COL6A6: variants seen among roughly 807,000 people sequenced by gnomAD.
COL6A6 encodes the protein collagen type VI alpha 6 chain, also known as collagen alpha-6(VI) chain.
In COL6A6, 183 loss-of-function variants were observed where a neutral mutation model predicts 208.6. The ratio of observed to expected loss-of-function variants is 0.88; its 90% CI spans 0.78 to 0.99. The LOEUF (loss-of-function observed/expected upper bound fraction) is 0.99, where lower values mean the gene tolerates loss of function less well. COL6A6 is among the 50% of genes least tolerant of loss of function. COL6A6 has a pLI of 0.00. For synonymous variants in COL6A6, 973 were observed against 1,011.8 expected, an observed-to-expected ratio of 0.96 and a Z score of 0.73; for missense variants, 2,816 against 2,815.2, an observed-to-expected ratio of 1.00 and a Z score of -0.01.
chr3:130,563,785 A>C (rs1263167512), intron 3 of COL6A6, 121 bp downstream of exon 3: 2 of 667,942 alleles, frequency 3.0e-6, no homozygotes, highest in Admixed American at 5.8e-5. Context: ...TTCAGATGTT[A>C]TGTACCCATC....
Position 130,563,539 on chromosome 3 carries a change from C to T in COL6A6, c.536C>T (p.Thr179Met), listed in dbSNP as rs114511272. 35 of 1,613,956 alleles carry T rather than the reference C, an allele frequency of 2.2e-5. No individual in the cohort carries two copies. The East Asian group carries it at 6.0e-4, about 28-fold the overall frequency. ...GAGGAAAACCTGAAGGCCATGGCCA[C>T]GTCTCAGTTTCATTTCAACCTTCGG... is the stretch of plus-strand genomic sequence containing the variant. ...ASEENLKAMA[T>M]SQFHFNLRTV... is the part of the protein sequence containing the mutation. Residue 179 changes from threonine to methionine, a missense_variant, in exon 3 of 37, where the codon ACG becomes ATG. Coordinates refer to ENST00000358511, the MANE Select transcript of COL6A6 (RefSeq NM_001102608.3).
intron 1 of COL6A6, among the ~76,000 whole-genome samples, chr3:130,523,261 C>T (rs1711180345): frequency 6.6e-6 from 1 of 152,114 alleles, no homozygotes; most frequent in South Asian, 2.1e-4. Context: ...TATGTTCATT[C>T]CTTGAGAAAA....
intron 33 of COL6A6, among the ~76,000 whole-genome samples, chr3:130,652,075 ATATGTGAT>A (rs2065661884): frequency 6.6e-6 from 1 of 152,216 alleles, no homozygotes; most frequent in East Asian, 1.9e-4. Context: ...ACTGCAACTT[ATATGTGAT>A]TATCTGATTA....
intron 6 of COL6A6, 26 bp downstream of exon 6, chr3:130,568,630 G>A: frequency 6.5e-7 from 1 of 1,535,276 alleles, no homozygotes; most frequent in South Asian, 1.2e-5. Flanking sequence ...CTCACTAGCA[G>A]GACTATCCGA....
intron 3 of COL6A6, among the ~76,000 whole-genome samples, chr3:130,564,157 G>C (rs190291920): frequency 5.4e-4 from 82 of 152,350 alleles, no homozygotes; most frequent in African/African-American, 1.9e-3. Context: ...CCTTGGCCCA[G>C]GGGCCAGGCT....
chr3:130,542,898 CTTTTTTTTTTT>C (rs56339748), intron 1 of COL6A6, among the ~76,000 whole-genome samples: 1 of 92,612 alleles, frequency 1.1e-5, no homozygotes, highest in South Asian at 3.5e-4. Flanking sequence ...TCCATTCACT[CTTTTTTTTTTT>C]TTTTTTTTTT....
intron 11 of COL6A6, among the ~76,000 whole-genome samples, chr3:130,588,471 GT>G (rs1426952354): frequency 1.3e-5 from 2 of 152,180 alleles, no homozygotes; most frequent in African/African-American, 4.8e-5. Context: ...TGATATAGAT[GT>G]TTTTACCAGA....
At position 130,651,065 on chromosome 3, in the gene COL6A6, C is replaced by T. The variant is rs144505626; in HGVS notation, c.5733+1503C>T. 4.1e-4 allele frequency among the ~76,000 whole-genome samples: 63 copies of T among 152,248 alleles called. 1 individual carries two copies. The East Asian group carries it at 0.012, about 29-fold the overall frequency. On this transcript the variant is annotated intron_variant, in intron 33 of 36. Coordinates refer to ENST00000358511, the MANE Select transcript of COL6A6 (RefSeq NM_001102608.3). Reference sequence around the variant, plus strand: ...TATGGAAAGCAGAAAGCACCTGGTTCCTAGAGTTAGTGTGAAGATTAATTT... The same window carrying T: ...TATGGAAAGCAGAAAGCACCTGGTTTCTAGAGTTAGTGTGAAGATTAATTT...
intron 7 of COL6A6, among the ~76,000 whole-genome samples, chr3:130,571,808 T>G (rs914905936): frequency 2.0e-5 from 3 of 150,364 alleles, no homozygotes; most frequent in African/African-American, 7.3e-5. Context: ...CCCAAGGAGC[T>G]GGGACTACAG....
At chr3:130,599,086 A>T (rs2063930162) in intron 19 of COL6A6, among the ~76,000 whole-genome samples, 1 of 152,172 alleles carries the variant, frequency 6.6e-6, no homozygotes, top group South Asian at 2.1e-4. Context: ...GGATCCTGGG[A>T]TACTTTCTGT....
Position 130,566,662 on chromosome 3 carries a change from T to G in COL6A6, c.1283-40T>G, listed in dbSNP as rs200095455. On this transcript the variant is annotated intron_variant, in intron 4 of 36. Transcript: ENST00000358511. ...ATGTGCTCTCATTTCTTCTTCATGC[T>G]TGCTCAAATGCCACATGCAACTTAT... 1,848 of 1,504,282 alleles carry G rather than the reference T, an allele frequency of 1.2e-3. 3 individuals are homozygous for G. The highest frequency in any genetic ancestry group is 1.5e-3 in the Non-Finnish European group (1,688 of 1,116,634). The allele number at this position is 1,504,282 out of a possible 1,614,324, so 93.2% of individuals were successfully genotyped here.
chr3:130,606,598 A>T (rs2108183476), intron 20 of COL6A6, among the ~76,000 whole-genome samples: 1 of 152,322 alleles, frequency 6.6e-6, no homozygotes, highest in Middle Eastern at 3.4e-3. Flanking sequence ...AAATTCAAAT[A>T]AGTCAATTTG....
intron 1 of COL6A6, among the ~76,000 whole-genome samples, chr3:130,552,458 C>T (rs2062664664): frequency 1.3e-5 from 2 of 152,010 alleles, no homozygotes; most frequent in African/African-American, 4.8e-5. Context: ...ATAGCAAGAC[C>T]TCCTTTTTTT....
chr3:130,615,178 T>A (rs1179041811), intron 23 of COL6A6, among the ~76,000 whole-genome samples: 2 of 152,214 alleles, frequency 1.3e-5, no homozygotes, highest in East Asian at 3.8e-4. Context: ...GATGTCTGCC[T>A]TAATTTCATT....
chr3:130,593,123 C>T lies in COL6A6; in HGVS notation c.4416+18C>T, dbSNP rs1560039927. On this transcript the variant is annotated intron_variant, in intron 16 of 36. Coordinates refer to ENST00000358511, the MANE Select transcript of COL6A6 (RefSeq NM_001102608.3). The stretch of plus-strand genomic sequence containing the variant: ...GAGAACAGGTAGAGCCTTCTTGTAC[C>T]ATAGAGACCCTTCTGAGCTATTTAC... The T allele has an allele frequency of 6.2e-7, 1 of 1,612,820 alleles. No individual in the cohort carries two copies. The highest frequency in any genetic ancestry group is 1.1e-5 in the South Asian group (1 of 91,050).
chr3:130,581,668 C>T lies in COL6A6; in HGVS notation c.3655C>T (p.Arg1219Cys), dbSNP rs372595353. 4.0e-5 allele frequency: 65 copies of T among 1,613,844 alleles called. No individual in the cohort carries two copies. The highest frequency in any genetic ancestry group is 2.2e-4 in the South Asian group (20 of 91,076). ...WMETYLQDIL[R>C]AISSLNGVSC... ...GGAAACCTACCTTCAAGACATCTTACGTGCCATCAGCTCCCTCAATGGAGT... is the reference window on the plus strand; with the variant it reads ...GGAAACCTACCTTCAAGACATCTTATGTGCCATCAGCTCCCTCAATGGAGT... The change falls in exon 9 of 37, where the codon CGT becomes TGT. Residue 1219 changes from arginine to cysteine, a missense_variant. Coordinates refer to ENST00000358511, the MANE Select transcript of COL6A6 (RefSeq NM_001102608.3).
At chr3:130,572,262 C>A (rs116544381) in intron 7 of COL6A6, among the ~76,000 whole-genome samples, 3,461 of 152,276 alleles carry the variant, frequency 0.023, 68 homozygotes, top group South Asian at 0.06. Flanking sequence ...TCTATTCTGG[C>A]AGCTGGAGAT....
intron 18 of COL6A6, among the ~76,000 whole-genome samples, chr3:130,596,272 T>C (rs2063848520): frequency 6.6e-6 from 1 of 152,192 alleles, no homozygotes; most frequent in African/African-American, 2.4e-5. Flanking sequence ...AAATATTAGT[T>C]CAAATACAAA....
intron 21 of COL6A6, among the ~76,000 whole-genome samples, chr3:130,608,436 G>A (rs2064249917): frequency 6.6e-6 from 1 of 151,940 alleles, no homozygotes; most frequent in South Asian, 2.1e-4. Flanking sequence ...TATAATTCTT[G>A]TCTGTGACAG....
Sources: allele counts gnomAD v4.1 joint callset (sites outside exome capture counted in the v4.1 genomes callset), GRCh38; gene constraint gnomAD v4.1.1; transcripts MANE v1.5; gene names NCBI Gene and HGNC (gene_info 2026-07-23, HGNC 2026-07-21).